The following AXL variants were observed in gnomAD, a reference collection of about 807,000 sequenced individuals.
AXL encodes tyrosine-protein kinase receptor UFO.
In AXL, 52 loss-of-function variants were observed where a neutral mutation model predicts 104.5. The ratio of observed to expected loss-of-function variants is 0.50; its 90% CI spans 0.40 to 0.63. AXL has a LOEUF of 0.63. Ranked by LOEUF, AXL falls within the 20% of genes least tolerant of loss-of-function variation. The pLI is 0.00. For synonymous variants in AXL, 455 were observed against 473.7 expected, an observed-to-expected ratio of 0.96 and a Z score of 0.51; for missense variants, 1,024 against 1,188.5, an observed-to-expected ratio of 0.86 and a Z score of 2.04.
At chr19:41,252,289 A>T in intron 14 of AXL, 62 bp from the exon 15 acceptor site, 2 of 1,270,178 alleles carry the variant, frequency 1.6e-6, no homozygotes, top group Non-Finnish European at 2.3e-6. Flanking sequence ...GATGGAGTGG[A>T]GGTGGAGGGA....
In AXL at chr19:41,242,919, G is replaced by A. The variant is rs753794340; in HGVS notation, c.1349G>A (p.Trp450Ter). The stretch of plus-strand genomic sequence containing the variant: ...TCAACTCCTGCCTTCTCGTGGCCCT[G>A]GTGGTATGTACTGCTAGGAGCAGTC... ...EPSTPAFSWP[W>*]WYVLLGAVVA... The change falls in exon 11 of 20, where the codon TGG (tryptophan) becomes TAG (stop). Residue 450 changes from tryptophan (W) to a stop codon, truncating the protein, a stop_gained. Transcript: ENST00000301178. LOFTEE classifies it high-confidence loss of function. 1.2e-6 allele frequency: 2 copies of A among 1,614,196 alleles called. No homozygotes were observed. The highest frequency in any genetic ancestry group is 2.2e-5 in the South Asian group (2 of 91,084).
rs1252992329 is a variant in AXL, at chr19:41,220,631, T to A, written c.86-5T>A. 1.3e-6 allele frequency: 2 copies of A among 1,562,486 alleles called. No individual in the cohort carries two copies. The highest frequency in any genetic ancestry group is 2.3e-5 in the South Asian group (2 of 85,324). ...CTAAGCTAACTCTTCCCATCTCCCC[T>A]CCAGGCACGCAGGCTGAAGAAAGTC... On this transcript the variant is annotated splice_polypyrimidine_tract_variant and splice_region_variant and intron_variant, in intron 1 of 19. Transcript: ENST00000301178.
chr19:41,220,240 ATCTCCCCCCACCACCACCCT>A (rs2033762821), intron 1 of AXL, among the ~76,000 whole-genome samples: 2 of 98,508 alleles, frequency 2.0e-5, no homozygotes, highest in Non-Finnish European at 4.3e-5. Flanking sequence ...CACCACCCTT[ATCTCCCCCCACCACCACCCT>A]TATCTCTCTC....
At chr19:41,237,461 C>A (rs1289174940) in intron 6 of AXL, among the ~76,000 whole-genome samples, 1 of 152,118 alleles carries the variant, frequency 6.6e-6, no homozygotes, top group African/African-American at 2.4e-5. Context: ...CCAGGCTGGT[C>A]TTGAACTCCT....
chr19:41,239,642 G>A (rs368712021), intron 9 of AXL, 52 bp from the exon 10 acceptor site: 55 of 1,610,574 alleles, frequency 3.4e-5, no homozygotes, highest in African/African-American at 1.6e-4. Context: ...CCCGTGCCAC[G>A]CCAGTCTTGT....
intron 14 of AXL, among the ~76,000 whole-genome samples, chr19:41,249,505 C>T (rs918041154): frequency 6.6e-6 from 1 of 151,318 alleles, no homozygotes; most frequent in Non-Finnish European, 1.5e-5. Flanking sequence ...TCTGTAATCC[C>T]AGCACTTTGG....
chr19:41,230,957 G>A lies in AXL; in HGVS notation c.587-10G>A, dbSNP rs761727401. On this transcript the variant is annotated splice_polypyrimidine_tract_variant and intron_variant, in intron 4 of 19. Coordinates refer to ENST00000301178, the MANE Select transcript of AXL (RefSeq NM_021913.5). Reference sequence around the variant, plus strand: ...CTGATATTGGACCCTTCCCTCATATGACTCCCTAGGGCTGAACAAGACATC... The same window carrying A: ...CTGATATTGGACCCTTCCCTCATATAACTCCCTAGGGCTGAACAAGACATC... The A allele has an allele frequency of 1.9e-6, 3 of 1,613,494 alleles. No homozygotes were observed. In the South Asian group the frequency reaches 3.3e-5, roughly 18 times the overall value.
intron 1 of AXL, among the ~76,000 whole-genome samples, chr19:41,220,123 C>A (rs988822607): frequency 6.6e-6 from 1 of 150,978 alleles, no homozygotes; most frequent in African/African-American, 2.4e-5. Context: ...TCCGCCCCCA[C>A]CTTTTCTTCT....
At chr19:41,253,078 G>A (rs1017477490) in intron 16 of AXL, 111 bp downstream of exon 16, 11 of 1,218,464 alleles carry the variant, frequency 9.0e-6, no homozygotes, top group Non-Finnish European at 1.3e-5. Context: ...TGCTCTCCTG[G>A]AGCATTTCTT....
At chr19:41,224,077 G>A (rs2122204495) in intron 4 of AXL, among the ~76,000 whole-genome samples, 1 of 152,004 alleles carries the variant, frequency 6.6e-6, no homozygotes, top group South Asian at 2.1e-4. Context: ...TTTCTTAGGG[G>A]TTGCCCGTGT....
intron 19 of AXL, among the ~76,000 whole-genome samples, chr19:41,258,559 C>T (rs1265248220): frequency 4.6e-5 from 7 of 152,182 alleles, no homozygotes; most frequent in African/African-American, 1.2e-4. Context: ...GGACTACAGG[C>T]GTGTGCCACC....
Position 41,259,910 on chromosome 19 carries a change from C to T in AXL, c.*6C>T. The T allele has an allele frequency of 6.5e-7, 1 of 1,549,352 alleles. No individual in the cohort carries two copies. On this transcript the variant is annotated 3_prime_UTR_variant, in exon 20 of 20. Transcript: ENST00000301178. ...GGCAGGAGGATGGTGCCTGAGACAA[C>T]CCTCCACCTGGTACTCCCTCTCAGG...
intron 4 of AXL, among the ~76,000 whole-genome samples, chr19:41,224,914 C>G (rs1481706098): frequency 2.6e-5 from 4 of 152,134 alleles, no homozygotes; most frequent in African/African-American, 9.7e-5. Flanking sequence ...ATAGATGTGT[C>G]TCTGTGTCAA....
intron 7 of AXL, 67 bp from the exon 8 acceptor site, chr19:41,238,403 C>T (rs568292638): frequency 6.3e-7 from 1 of 1,575,536 alleles, no homozygotes; most frequent in East Asian, 2.3e-5. Context: ...GCACCCACTT[C>T]CTGGGAACAG....
rs904471255 is a variant in AXL, at chr19:41,247,854, C to T, written c.1538-660C>T. The stretch of plus-strand genomic sequence containing the variant: ...CCGGCCTCTGCCTCCCAAAGTGCTG[C>T]GATTACAGGCATGAGCCACTGCATC... On this transcript the variant is annotated intron_variant, in intron 12 of 19. Coordinates refer to ENST00000301178, the MANE Select transcript of AXL (RefSeq NM_021913.5). Among the ~76,000 whole-genome samples the T allele has an allele frequency of 4.1e-5, 6 of 145,852 alleles. No individual in the cohort carries two copies. In the South Asian group the frequency reaches 6.6e-4, roughly 16 times the overall value.
In AXL at chr19:41,259,745, C is replaced by G. The variant is rs1451749209; in HGVS notation, c.2526C>G (p.Pro842=). 3.7e-6 allele frequency: 6 copies of G among 1,614,086 alleles called. No individual in the cohort carries two copies. The highest frequency in any genetic ancestry group is 5.1e-6 in the Non-Finnish European group (6 of 1,179,992). The part of the protein sequence containing the change: ...EPPGAAGGAD[P]PTQPDPKDSC... The stretch of plus-strand genomic sequence containing the variant: ...CTGGAGCTGCAGGAGGAGCTGACCC[C>G]CCAACCCAGCCAGACCCTAAGGATT... Residue 842 remains proline, a synonymous_variant, in exon 20 of 20, where the codon CCC becomes CCG. Coordinates refer to ENST00000301178, the MANE Select transcript of AXL (RefSeq NM_021913.5).
chr19:41,252,734 A>G (rs1186056182), intron 15 of AXL, 112 bp from the exon 16 acceptor site: 2 of 1,539,742 alleles, frequency 1.3e-6, no homozygotes, highest in South Asian at 1.2e-5. Flanking sequence ...CCCAAACAAT[A>G]TGGTGGCCAG....
intron 11 of AXL, among the ~76,000 whole-genome samples, chr19:41,243,291 A>G (rs1161032309): frequency 3.3e-5 from 5 of 152,166 alleles, no homozygotes; most frequent in African/African-American, 1.2e-4. Context: ...GTGTAGGCAC[A>G]CGCCTGTGGT....
chr19:41,252,328 A>AC, intron 14 of AXL, 23 bp from the exon 15 acceptor site: 1 of 1,609,636 alleles, frequency 6.2e-7, no homozygotes, highest in Non-Finnish European at 8.5e-7. Context: ...CCTCCTCCTC[A>AC]CGACCTTTCT....
Sources: gnomAD v4.1 joint callset for allele counts (sites outside exome capture counted in the v4.1 genomes callset) on GRCh38, gnomAD v4.1.1 for gene constraint, MANE v1.5 for transcripts, NCBI Gene and HGNC (gene_info 2026-07-23, HGNC 2026-07-21) for gene names.